The following NCAPG2 variants were observed in gnomAD, a reference collection of about 807,000 sequenced individuals.
The protein encoded by NCAPG2 is condensin-2 complex subunit G2.
A neutral mutation model predicts 141.1 loss-of-function variants in NCAPG2; 53 were observed. The ratio of observed to expected loss-of-function variants is 0.38; its 90% CI spans 0.30 to 0.47. NCAPG2 has a LOEUF of 0.47. NCAPG2 is among the 20% of genes least tolerant of loss of function. The probability of loss-of-function intolerance (pLI) is 0.99; values close to 1 mark genes in which losing one functional copy is unlikely to be tolerated. For missense variants in NCAPG2, 1,087 were observed against 1,389.0 expected, an observed-to-expected ratio of 0.78 and a Z score of 3.46; for synonymous variants, 499 against 490.7, an observed-to-expected ratio of 1.02 and a Z score of -0.22.
chr7:158,667,464 G>GCCTTACCCACTACTGGGTCCCTCCGCCCT (rs1833150239), intron 13 of NCAPG2, among the ~76,000 whole-genome samples: 1 of 65,062 alleles, frequency 1.5e-5, no homozygotes, highest in African/African-American at 6.9e-5. Context: ...CCCTCCGCCC[G>GCCTTACCCACTACTGGGTCCCTCCGCCCT]CCTTACCCAC....
At chr7:158,704,561 C>T (rs1001380932) in intron 1 of NCAPG2, among the ~76,000 whole-genome samples, 163 bp downstream of exon 1, 1 of 152,164 alleles carries the variant, frequency 6.6e-6, no homozygotes, top group African/African-American at 2.4e-5. Context: ...CCAGTTCCGT[C>T]CAGTTCCGTC....
chr7:158,690,779 G>T (rs1053895420), intron 4 of NCAPG2, 57 bp from the exon 5 acceptor site: 2 of 1,500,734 alleles, frequency 1.3e-6, no homozygotes, highest in African/African-American at 2.8e-5. Context: ...TTACTTCAGA[G>T]TCAACAGTTT....
intron 16 of NCAPG2, among the ~76,000 whole-genome samples, chr7:158,659,026 A>T (rs62751560): frequency 3.2e-4 from 1 of 3,084 alleles, no homozygotes; most frequent in Non-Finnish European, 8.1e-4. Flanking sequence ...CATTATATTT[A>T]AAAAAAAAAA....
chr7:158,656,824 A>C, intron 17 of NCAPG2, 119 bp from the exon 18 acceptor site: 10 of 1,172,836 alleles, frequency 8.5e-6, no homozygotes, highest in Non-Finnish European at 1.2e-5. Context: ...TTGTTATTAT[A>C]TTAGCACTTC....
chr7:158,645,733 G>GT, intron 25 of NCAPG2, 114 bp from the exon 26 acceptor site: 2 of 879,364 alleles, frequency 2.3e-6, no homozygotes, highest in Non-Finnish European at 3.6e-6. Flanking sequence ...TGCAGGGGAC[G>GT]TGGGAAGGTG....
chr7:158,639,045 A>C (rs1293683812), intron 27 of NCAPG2, among the ~76,000 whole-genome samples: 1 of 152,220 alleles, frequency 6.6e-6, no homozygotes, highest in Non-Finnish European at 1.5e-5. Context: ...GGGTGGGCTG[A>C]TACCTTCAAA....
intron 1 of NCAPG2, 138 bp downstream of exon 1, chr7:158,704,586 C>T (rs748949): frequency 0.51 from 77,430 of 152,512 alleles, 21,011 homozygotes; most frequent in Non-Finnish European, 0.6. Flanking sequence ...GCAGCACTGC[C>T]CGCACGCAGG....
intron 9 of NCAPG2, among the ~76,000 whole-genome samples, chr7:158,681,267 G>A (rs1435261961): frequency 1.3e-5 from 2 of 152,128 alleles, no homozygotes; most frequent in African/African-American, 2.4e-5. Context: ...TAACAAGGAG[G>A]TGTCACACTT....
rs73165339 is a variant in NCAPG2, at chr7:158,680,512, G to A, written c.1020+209C>T. Among the ~76,000 whole-genome samples, 1,166 of 152,296 alleles carry A rather than the reference G, an allele frequency of 7.7e-3. 5 individuals are homozygous for A. Among genetic ancestry groups the A allele is most frequent in the Middle Eastern group, 0.014 (4 of 294 alleles). ...ATGGTTACTTAAAAATAACTGTGTA[G>A]TTAGCACTAAACCAATCCAGATTTC... is the stretch of plus-strand genomic sequence containing the variant. On this transcript the variant is annotated intron_variant, in intron 10 of 27. Coordinates refer to ENST00000356309, the MANE Select transcript of NCAPG2 (RefSeq NM_017760.7).
intron 14 of NCAPG2, 51 bp downstream of exon 14, chr7:158,664,477 T>C (rs1400690844): frequency 1.9e-6 from 3 of 1,583,114 alleles, no homozygotes; most frequent in South Asian, 1.1e-5. Context: ...ATTTGTATTA[T>C]GCTTTTGGGG....
At position 158,671,561 on chromosome 7, in the gene NCAPG2, C is replaced by G. The variant is rs1217503700; in HGVS notation, c.1432G>C (p.Ala478Pro). 1 of 1,614,210 alleles carries G rather than the reference C, an allele frequency of 6.2e-7. No homozygotes were observed. ...LHDNSEKVRV[A>P]FVDMLLKIKA... The stretch of plus-strand genomic sequence containing the variant: ...ATCTTCAACAGCATGTCCACAAAAG[C>G]TACCCTCACTTTCTCCGAATTGTCG... The change falls in exon 13 of 28, where the codon GCT becomes CCT. Residue 478 changes from alanine (A) to proline (P), a missense_variant. Transcript: ENST00000356309.
chr7:158,668,895 A>T (rs2129463484), intron 13 of NCAPG2, among the ~76,000 whole-genome samples: 1 of 152,264 alleles, frequency 6.6e-6, no homozygotes, highest in East Asian at 1.9e-4. Context: ...TCCATTAGCC[A>T]TTATTCCTGA....
chr7:158,656,719 A>G lies in NCAPG2; in HGVS notation c.2061-14T>C. 6.2e-7 allele frequency: 1 copy of G among 1,612,274 alleles called. No individual in the cohort carries two copies. The highest frequency in any genetic ancestry group is 8.5e-7 in the Non-Finnish European group (1 of 1,179,172). On this transcript the variant is annotated splice_polypyrimidine_tract_variant and intron_variant, in intron 17 of 27. Coordinates refer to ENST00000356309, the MANE Select transcript of NCAPG2 (RefSeq NM_017760.7). ...ATCACACCACAGCTGAAAATGTCAG[A>G]CGGAAAATCGGACTGAGTATTTCAA...
intron 15 of NCAPG2, 132 bp downstream of exon 15, chr7:158,664,052 C>A (rs1394404372): frequency 4.2e-6 from 3 of 720,328 alleles, no homozygotes; most frequent in Non-Finnish European, 7.0e-6. Context: ...TTATTTATGA[C>A]CTTCCAAAAT....
At chr7:158,646,359 T>A (rs1003278723) in intron 25 of NCAPG2, 101 bp downstream of exon 25, 3 of 754,882 alleles carry the variant, frequency 4.0e-6, no homozygotes, top group African/African-American at 3.7e-5. Context: ...TAGAAAAGAA[T>A]GTAGCTTTGA....
At chr7:158,641,922 T>C (rs1830678555) in intron 27 of NCAPG2, among the ~76,000 whole-genome samples, 2 of 152,196 alleles carry the variant, frequency 1.3e-5, no homozygotes, top group Admixed American at 6.5e-5. Context: ...TACAGACTAC[T>C]TCCTCCAGCA....
intron 2 of NCAPG2, among the ~76,000 whole-genome samples, chr7:158,695,964 G>A (rs1382562738): frequency 6.6e-6 from 1 of 152,244 alleles, no homozygotes; most frequent in African/African-American, 2.4e-5. Flanking sequence ...CTGGCCACCT[G>A]TGCCCCAGCA....
rs1835006643 is a variant in NCAPG2 at position 158,689,757 on chromosome 7, A to G, written c.672+62T>C. 9.9e-6 allele frequency: 14 copies of G among 1,416,888 alleles called. No homozygotes were observed. In the South Asian group the frequency reaches 1.7e-4, roughly 17 times the overall value. 87.8% of individuals were successfully genotyped at this position (1,416,888 alleles called of 1,614,324 possible). On this transcript the variant is annotated intron_variant, in intron 6 of 27. Transcript: ENST00000356309. ...TGGTGCAGACAGGAACCATGTGAAC[A>G]CAGGAGAAACATCTATTAAGAAGCA... is the stretch of plus-strand genomic sequence containing the variant.
intron 15 of NCAPG2, among the ~76,000 whole-genome samples, chr7:158,663,977 G>A (rs1405447036): frequency 6.6e-6 from 1 of 152,212 alleles, no homozygotes; most frequent in Non-Finnish European, 1.5e-5. Flanking sequence ...TTTTTCTTCT[G>A]TATTAAGTCC....
Sources: gnomAD v4.1 joint callset for allele counts (sites outside exome capture counted in the v4.1 genomes callset) on GRCh38, gnomAD v4.1.1 for gene constraint, MANE v1.5 for transcripts, NCBI Gene and HGNC (gene_info 2026-07-23, HGNC 2026-07-21) for gene names.